FAM184B: variants seen among roughly 807,000 people sequenced by gnomAD.
FAM184B encodes family with sequence similarity 184 member B.
A neutral mutation model predicts 135.9 loss-of-function variants in FAM184B; 111 were observed. That is an observed-to-expected ratio of 0.82 (90% CI 0.70 to 0.96). The LOEUF (loss-of-function observed/expected upper bound fraction) is 0.96. Among genes scored for constraint, FAM184B ranks in the 40% least tolerant of loss-of-function variants. The pLI is 0.00. For synonymous variants in FAM184B, 552 were observed against 524.8 expected (o/e 1.05, Z -0.71); for missense variants, 1,375 against 1,323.9 (o/e 1.04, Z -0.60).
chr4:17,769,752 G>T (rs1054930276), intron 1 of FAM184B, among the ~76,000 whole-genome samples: 3 of 152,180 alleles, frequency 2.0e-5, no homozygotes, highest in African/African-American at 7.2e-5. Flanking sequence ...GCAATGGGAG[G>T]TCTAAGAAGA....
At chr4:17,723,641 A>C (rs1283676316) in intron 1 of FAM184B, among the ~76,000 whole-genome samples, 1 of 152,104 alleles carries the variant, frequency 6.6e-6, no homozygotes, top group Admixed American at 6.6e-5. Context: ...AGTCCATGAC[A>C]GTCTGCCAGG....
At chr4:17,759,377 C>T (rs1255572598) in intron 1 of FAM184B, among the ~76,000 whole-genome samples, 1 of 152,290 alleles carries the variant, frequency 6.6e-6, no homozygotes, top group African/African-American at 2.4e-5. Flanking sequence ...CCTTCTGCCA[C>T]GATTGAAAGT....
intron 5 of FAM184B, among the ~76,000 whole-genome samples, chr4:17,702,573 T>C (rs1183400526): frequency 6.6e-6 from 1 of 152,206 alleles, no homozygotes; most frequent in Admixed American, 6.5e-5. Flanking sequence ...CTATTTTTAG[T>C]CCATAAACCC....
chr4:17,758,095 G>A (rs1043908147), intron 1 of FAM184B, among the ~76,000 whole-genome samples: 1 of 152,206 alleles, frequency 6.6e-6, no homozygotes, highest in Non-Finnish European at 1.5e-5. Flanking sequence ...CTAACTAGCT[G>A]TGTGTCCTCA....
intron 8 of FAM184B, among the ~76,000 whole-genome samples, chr4:17,664,074 G>T (rs1007057005): frequency 3.9e-5 from 6 of 152,052 alleles, no homozygotes; most frequent in African/African-American, 1.4e-4. Flanking sequence ...GTGTGGAAAC[G>T]ACCTAATATA....
chr4:17,657,549 A>G (rs975546533), intron 10 of FAM184B, among the ~76,000 whole-genome samples: 4 of 152,162 alleles, frequency 2.6e-5, no homozygotes, highest in African/African-American at 9.7e-5. Context: ...ACAAGGTAGA[A>G]GGCGCTGGAT....
At chr4:17,646,135 T>C (rs1413987555) in intron 12 of FAM184B, among the ~76,000 whole-genome samples, 1 of 152,220 alleles carries the variant, frequency 6.6e-6, no homozygotes, top group Non-Finnish European at 1.5e-5. Context: ...TTGGTGGGAC[T>C]GTAAACTGGT....
At chr4:17,739,779 C>T (rs1470560324) in intron 1 of FAM184B, among the ~76,000 whole-genome samples, 2 of 151,844 alleles carry the variant, frequency 1.3e-5, no homozygotes, top group Non-Finnish European at 2.9e-5. Flanking sequence ...TGGTCTCGAA[C>T]TCCTGACCTC....
At chr4:17,688,659 T>A in intron 6 of FAM184B, 128 bp from the exon 7 acceptor site, 3 of 363,588 alleles carry the variant, frequency 8.3e-6, no homozygotes, top group Admixed American at 5.0e-5. Flanking sequence ...AGACAAATTC[T>A]ACACACACTT....
At position 17,709,544 on chromosome 4, in the gene FAM184B, G is replaced by A. The variant is rs1356121701; in HGVS notation, c.242C>T (p.Thr81Ile). 5.8e-6 allele frequency: 9 copies of A among 1,550,784 alleles called. No individual in the cohort carries two copies. Among genetic ancestry groups the A allele is most frequent in the Non-Finnish European group, 7.8e-6 (9 of 1,146,966 alleles). Reference sequence around the variant, plus strand: ...CTGTTCCTGCAGGAGCCTGGCCTTGGTCTCTGCCACCGCATTCTGGAGCTC... The same window carrying A: ...CTGTTCCTGCAGGAGCCTGGCCTTGATCTCTGCCACCGCATTCTGGAGCTC... ...QEELQNAVAE[T>I]KARLLQEQGC... Residue 81 changes from threonine to isoleucine, a missense_variant, in exon 2 of 18, where the codon ACC becomes ATC. Coordinates refer to ENST00000265018, the MANE Select transcript of FAM184B (RefSeq NM_015688.2).
chr4:17,710,464 C>T lies in FAM184B; in HGVS notation c.142-820G>A, dbSNP rs938748690. On this transcript the variant is annotated intron_variant, in intron 1 of 17. Coordinates refer to ENST00000265018, the MANE Select transcript of FAM184B (RefSeq NM_015688.2). ...AAAACTACAAGATTGTCTCAATAGA[C>T]ACAGAAAAAAATATTTGACAAAATT... is the stretch of plus-strand genomic sequence containing the variant. 2.6e-5 allele frequency among the ~76,000 whole-genome samples: 4 copies of T among 152,218 alleles called. No individual in the cohort carries two copies. The East Asian group carries it at 5.8e-4, about 22-fold the overall frequency.
chr4:17,726,879 G>C (rs573295908), intron 1 of FAM184B, among the ~76,000 whole-genome samples: 3 of 152,300 alleles, frequency 2.0e-5, no homozygotes, highest in Admixed American at 2.0e-4. Context: ...GATCTGGCTA[G>C]TGTCATGGAC....
chr4:17,732,965 G>A (rs1440297632), intron 1 of FAM184B, among the ~76,000 whole-genome samples: 1 of 152,214 alleles, frequency 6.6e-6, no homozygotes, highest in Non-Finnish European at 1.5e-5. Context: ...GAATCCAGCA[G>A]CACATCAAAA....
Position 17,763,999 on chromosome 4 carries a change from C to G in FAM184B, c.141+17160G>C, listed in dbSNP as rs11730953. ...GATATCACTTTTCATGCTCTCCACC[C>G]GCCCCCAACACCTACCTACATGTTT... On this transcript the variant is annotated intron_variant, in intron 1 of 17. Coordinates refer to ENST00000265018, the MANE Select transcript of FAM184B (RefSeq NM_015688.2). 3.3e-5 allele frequency among the ~76,000 whole-genome samples: 5 copies of G among 152,046 alleles called. No homozygotes were observed. In the East Asian group the frequency reaches 9.7e-4, roughly 29 times the overall value.
intron 1 of FAM184B, among the ~76,000 whole-genome samples, chr4:17,751,311 A>C (rs1290397811): frequency 1.2e-5 from 1 of 83,516 alleles, no homozygotes; most frequent in African/African-American, 3.8e-5. Flanking sequence ...TGTCTCAAAA[A>C]AAAAAAAAAA....
At chr4:17,776,619 C>T (rs1023155986) in intron 1 of FAM184B, among the ~76,000 whole-genome samples, 1 of 152,068 alleles carries the variant, frequency 6.6e-6, no homozygotes, top group South Asian at 2.1e-4. Flanking sequence ...CTCAAACTCC[C>T]GACCTCAGGT....
chr4:17,734,970 G>T (rs1560188993), intron 1 of FAM184B, among the ~76,000 whole-genome samples: 1 of 152,090 alleles, frequency 6.6e-6, no homozygotes, highest in Non-Finnish European at 1.5e-5. Flanking sequence ...AGAAAATATG[G>T]CACATATACA....
In FAM184B at chr4:17,646,962, G is replaced by A. The variant is rs114754999; in HGVS notation, c.2346+675C>T. Reference sequence around the variant, plus strand: ...CAAAGCTGCTCCACTTAGGGGAACAGCAAGGTCTAGATGGAGCCTGTCTGG... The same window carrying A: ...CAAAGCTGCTCCACTTAGGGGAACAACAAGGTCTAGATGGAGCCTGTCTGG... On this transcript the variant is annotated intron_variant, in intron 12 of 17. Transcript: ENST00000265018. Among the ~76,000 whole-genome samples, 1,193 of 152,206 alleles carry A rather than the reference G, an allele frequency of 7.8e-3. 10 individuals are homozygous for A. The highest frequency in any genetic ancestry group is 0.013 in the Non-Finnish European group (874 of 68,008).
chr4:17,637,095 C>T (rs894891110), intron 14 of FAM184B, among the ~76,000 whole-genome samples: 4 of 152,136 alleles, frequency 2.6e-5, no homozygotes, highest in Admixed American at 1.3e-4. Flanking sequence ...GGCGCGGTCT[C>T]GGCTCTCTGC....
Sources: allele counts gnomAD v4.1 joint callset (sites outside exome capture counted in the v4.1 genomes callset), GRCh38; gene constraint gnomAD v4.1.1; transcripts MANE v1.5; gene names NCBI Gene and HGNC (gene_info 2026-07-23, HGNC 2026-07-21).